The following STXBP5 variants were observed in gnomAD, a reference collection of about 807,000 sequenced individuals.
STXBP5 encodes syntaxin binding protein 5.
STXBP5 carries 50 observed loss-of-function variants against 152.4 expected under a neutral mutation model. The ratio of observed to expected loss-of-function variants is 0.33; its 90% CI spans 0.26 to 0.42. The LOEUF (loss-of-function observed/expected upper bound fraction) is 0.42, where lower values mean the gene tolerates loss of function less well. Ranked by LOEUF, STXBP5 falls within the 10% of genes least tolerant of loss-of-function variation. The probability of loss-of-function intolerance (pLI) is 1.00; values close to 1 mark genes in which losing one functional copy is unlikely to be tolerated. For synonymous variants in STXBP5, 492 were observed against 494.7 expected (o/e 0.99, Z 0.07); for missense variants, 1,167 against 1,388.6 (o/e 0.84, Z 2.54).
chr6:147,325,883 T>C (rs1049486475), intron 17 of STXBP5, among the ~76,000 whole-genome samples: 3 of 152,076 alleles, frequency 2.0e-5, no homozygotes, highest in Non-Finnish European at 2.9e-5. Flanking sequence ...TCAGAAAATA[T>C]AACCAAAAAA....
intron 19 of STXBP5, among the ~76,000 whole-genome samples, chr6:147,336,492 T>C (rs1400676990): frequency 6.6e-6 from 1 of 151,880 alleles, no homozygotes; most frequent in Non-Finnish European, 1.5e-5. Flanking sequence ...ATTCTACTAC[T>C]TCACGGTGGT....
chr6:147,255,588 A>G (rs1269888844), intron 4 of STXBP5, among the ~76,000 whole-genome samples: 1 of 152,152 alleles, frequency 6.6e-6, no homozygotes, highest in Non-Finnish European at 1.5e-5. Context: ...GCAATTTCCC[A>G]GGCTCAAGCA....
chr6:147,314,504 A>G lies in STXBP5; in HGVS notation c.1362-92A>G, dbSNP rs75322208. ...TTACCCTGATTTTTTTTACCTTTTT[A>G]CTCATTTTGTTGACTTTTTAATAGC... is the stretch of plus-strand genomic sequence containing the variant. On this transcript the variant is annotated intron_variant, in intron 13 of 27. Coordinates refer to ENST00000321680, the MANE Select transcript of STXBP5 (RefSeq NM_001127715.4). 1.8e-3 allele frequency: 2,462 copies of G among 1,404,206 alleles called. 24 individuals carry two copies. In the African/African-American group the frequency reaches 0.026, roughly 15 times the overall value. 87.0% of individuals were successfully genotyped at this position (1,404,206 alleles called of 1,614,324 possible). A position where few individuals can be genotyped will look rare whatever the true frequency, so the allele number is the denominator to read the frequency against.
chr6:147,310,427 T>C (rs1782309006), intron 10 of STXBP5, among the ~76,000 whole-genome samples, 189 bp downstream of exon 10: 1 of 152,076 alleles, frequency 6.6e-6, no homozygotes, highest in East Asian at 1.9e-4. Flanking sequence ...TTTTGAAGAA[T>C]AAAAAAACGC....
At chr6:147,248,011 G>T (rs746881599) in intron 4 of STXBP5, among the ~76,000 whole-genome samples, 2 of 151,498 alleles carry the variant, frequency 1.3e-5, no homozygotes, top group African/African-American at 4.9e-5. Flanking sequence ...GCGGTGGGGT[G>T]GCTTAAGCCT....
intron 19 of STXBP5, among the ~76,000 whole-genome samples, chr6:147,338,109 G>A (rs541419978): frequency 3.7e-4 from 57 of 152,158 alleles, no homozygotes; most frequent in African/African-American, 1.3e-3. Context: ...CAATTACATC[G>A]TAGGTATTTG....
chr6:147,266,458 G>A (rs1163026069), intron 6 of STXBP5, among the ~76,000 whole-genome samples: 2 of 152,080 alleles, frequency 1.3e-5, no homozygotes, highest in Non-Finnish European at 2.9e-5. Context: ...ATAATAGGAT[G>A]TAACTTAAAT....
intron 25 of STXBP5, among the ~76,000 whole-genome samples, chr6:147,368,587 A>G (rs544355526): frequency 1.9e-4 from 29 of 152,264 alleles, no homozygotes; most frequent in African/African-American, 7.0e-4. Context: ...CACTCTCACC[A>G]CTTACATTCA....
At chr6:147,243,322 C>T (rs115740404) in intron 4 of STXBP5, among the ~76,000 whole-genome samples, 3,363 of 152,178 alleles carry the variant, frequency 0.022, 130 homozygotes, top group African/African-American at 0.077. Flanking sequence ...TTTTAATTTG[C>T]GGTTCCCTAG....
chr6:147,368,641 A>T (rs1785404913), intron 25 of STXBP5, among the ~76,000 whole-genome samples: 1 of 152,156 alleles, frequency 6.6e-6, no homozygotes, highest in African/African-American at 2.4e-5. Flanking sequence ...GGCAAGGAAA[A>T]GAAAAGGAAA....
intron 8 of STXBP5, among the ~76,000 whole-genome samples, chr6:147,288,805 A>G (rs1781126809): frequency 6.6e-6 from 1 of 152,160 alleles, no homozygotes; most frequent in Non-Finnish European, 1.5e-5. Context: ...AAACACTTGA[A>G]AGAGATCCAG....
intron 4 of STXBP5, among the ~76,000 whole-genome samples, chr6:147,253,213 G>A (rs1454288056): frequency 6.6e-6 from 1 of 151,882 alleles, no homozygotes; most frequent in Non-Finnish European, 1.5e-5. Flanking sequence ...AAAAAACCAC[G>A]ATTATCTCAA....
At chr6:147,233,717 ACTTTT>A (rs1778127749) in intron 2 of STXBP5, among the ~76,000 whole-genome samples, 1 of 151,688 alleles carries the variant, frequency 6.6e-6, no homozygotes, top group Admixed American at 6.6e-5. Flanking sequence ...GGAGATACAG[ACTTTT>A]CTTTTTTTGG....
chr6:147,235,212 A>G (rs1362896406), intron 2 of STXBP5, 38 bp from the exon 3 acceptor site: 1 of 1,593,842 alleles, frequency 6.3e-7, no homozygotes, highest in Admixed American at 1.7e-5. Context: ...CTCAAAACCG[A>G]ACAAATACCA....
rs532423731 is a variant in STXBP5, at chr6:147,248,512, T to A, written c.431+9242T>A. Among the ~76,000 whole-genome samples, 11 of 152,210 alleles carry A rather than the reference T, an allele frequency of 7.2e-5. 1 individual carries two copies. The South Asian group carries it at 2.1e-3, about 29-fold the overall frequency. ...AAATGCAGACTAAAACAACAACTAC[T>A]CATCAGAATGGCTAAAATGTTAGTT... On this transcript the variant is annotated intron_variant, in intron 4 of 27. Coordinates refer to ENST00000321680, the MANE Select transcript of STXBP5 (RefSeq NM_001127715.4).
rs1442892153 is a variant in STXBP5, at chr6:147,385,282, T to C, written c.*527T>C. 2 of 152,488 alleles carry C rather than the reference T, an allele frequency of 1.3e-5. No homozygotes were observed. Among genetic ancestry groups the C allele is most frequent in the African/African-American group, 4.8e-5 (2 of 41,384 alleles). The allele number at this position is 152,488 out of a possible 1,614,324, so 9.4% of individuals were successfully genotyped here. ...CATTAGTGAAAAAGAAACAAATTGTTTGTTATCATCTCTTTAGACAGATAA... is the reference window on the plus strand; with the variant it reads ...CATTAGTGAAAAAGAAACAAATTGTCTGTTATCATCTCTTTAGACAGATAA... On this transcript the variant is annotated 3_prime_UTR_variant, in exon 28 of 28. Coordinates refer to ENST00000321680, the MANE Select transcript of STXBP5 (RefSeq NM_001127715.4).
At chr6:147,344,307 T>C (rs1012982916) in intron 21 of STXBP5, among the ~76,000 whole-genome samples, 2 of 152,210 alleles carry the variant, frequency 1.3e-5, no homozygotes. Context: ...AGAAATAAAC[T>C]GTAGTTTGCT....
intron 7 of STXBP5, among the ~76,000 whole-genome samples, chr6:147,274,968 C>A (rs1780367101): frequency 1.3e-5 from 2 of 151,978 alleles, no homozygotes; most frequent in Non-Finnish European, 2.9e-5. Context: ...GATGAGTTTG[C>A]AAAACCAGTA....
chr6:147,243,313 T>C (rs1385103002), intron 4 of STXBP5, among the ~76,000 whole-genome samples: 1 of 152,190 alleles, frequency 6.6e-6, no homozygotes, highest in East Asian at 1.9e-4. Flanking sequence ...TCATTGTTAT[T>C]TTAATTTGCG....
Sources: gnomAD v4.1 joint callset for allele counts (sites outside exome capture counted in the v4.1 genomes callset) on GRCh38, gnomAD v4.1.1 for gene constraint, MANE v1.5 for transcripts, NCBI Gene and HGNC (gene_info 2026-07-23, HGNC 2026-07-21) for gene names.